IGDCC4: variants seen among roughly 807,000 people sequenced by gnomAD.
IGDCC4 encodes the protein immunoglobulin superfamily DCC subclass member 4.
In IGDCC4, 72 loss-of-function variants were observed where a neutral mutation model predicts 116.6. The ratio of observed to expected loss-of-function variants is 0.62; its 90% confidence interval spans 0.51 to 0.75. The LOEUF (loss-of-function observed/expected upper bound fraction) is 0.75. Ranked by LOEUF, IGDCC4 falls within the 30% of genes least tolerant of loss-of-function variation. The pLI, the probability that IGDCC4 is intolerant of heterozygous loss-of-function variation, is 0.00. For missense variants in IGDCC4, 1,501 were observed against 1,662.4 expected (o/e 0.90, Z 1.69); for synonymous variants, 709 against 719.9 (o/e 0.98, Z 0.24).
Position 65,402,537 on chromosome 15 carries a change from G to GT in IGDCC4, c.564-51_564-50insA, listed in dbSNP as rs11385366. Reference sequence around the variant, plus strand: ...TGTGAGGTGGGCAGGGGGGCCACAGGGAGGGTGGCTCATGGTAAGATAAAT... The same window carrying GT: ...TGTGAGGTGGGCAGGGGGGCCACAGGTGAGGGTGGCTCATGGTAAGATAAAT... On this transcript the variant is annotated intron_variant, in intron 3 of 19. Coordinates refer to ENST00000352385, the MANE Select transcript of IGDCC4 (RefSeq NM_020962.3). 8.8e-3 allele frequency: 13,577 copies of GT among 1,548,396 alleles called. 872 individuals carry two copies. The African/African-American group carries it at 0.15, about 17-fold the overall frequency.
At chr15:65,395,656 C>A (rs1283421569) in intron 7 of IGDCC4, 94 bp downstream of exon 7, 9 of 1,293,084 alleles carry the variant, frequency 7.0e-6, no homozygotes, top group Non-Finnish European at 9.1e-6. Context: ...GCAGAGGTAC[C>A]CATCAGGCAA....
intron 1 of IGDCC4, among the ~76,000 whole-genome samples, chr15:65,422,360 A>C (rs2140249506): frequency 6.6e-6 from 1 of 151,934 alleles, no homozygotes; most frequent in Non-Finnish European, 1.5e-5. Flanking sequence ...GTGCAGACAC[A>C]ACCCCAGTTC....
Position 65,405,184 on chromosome 15 carries a change from T to C in IGDCC4, c.564-2697A>G, listed in dbSNP as rs1269150081. 3.4e-5 allele frequency among the ~76,000 whole-genome samples: 5 copies of C among 148,908 alleles called. No individual in the cohort carries two copies. In the Admixed American group the frequency reaches 3.4e-4, roughly 10 times the overall value. On this transcript the variant is annotated intron_variant, in intron 3 of 19. Transcript: ENST00000352385. ...ATGAAGAAATTCTACTTTTAGAAAA[T>C]AGAGAAAAGTTATATTAGGATATAC...
At chr15:65,418,798 A>C (rs1399467781) in intron 1 of IGDCC4, among the ~76,000 whole-genome samples, 2 of 152,070 alleles carry the variant, frequency 1.3e-5, no homozygotes, top group Non-Finnish European at 2.9e-5. Flanking sequence ...TGGTTGCTGT[A>C]CCATGGGAGA....
chr15:65,391,835 G>A (rs754140508), intron 12 of IGDCC4, 45 bp downstream of exon 12: 1 of 1,543,012 alleles, frequency 6.5e-7, no homozygotes, highest in East Asian at 2.2e-5. Flanking sequence ...GGCTAGCAGA[G>A]CCCTCACCTG....
At chr15:65,385,453 C>A in intron 18 of IGDCC4, 1 of 521,596 alleles carries the variant, frequency 1.9e-6, no homozygotes, top group Non-Finnish European at 3.4e-6. Context: ...CCAGCGAAGG[C>A]CTCACCTTAT....
At position 65,392,251 on chromosome 15, in the gene IGDCC4, C is replaced by A. The variant is rs1350296740; in HGVS notation, c.2005G>T (p.Gly669Trp). The change falls in exon 11 of 20, where the codon GGG (glycine) becomes TGG (tryptophan). Residue 669 changes from glycine (G) to tryptophan (W), a missense_variant. Physicochemically the swap from Gly to Trp is radical, Grantham distance 184 (BLOSUM62 -2). This residue lies in a region of IGDCC4 where 898 missense variants were observed against 978.9 expected (regional missense o/e 0.92). Transcript: ENST00000352385. ...SGYKLYWREV[G>W]AEEEANGDRL... is the part of the protein sequence containing the mutation. The stretch of plus-strand genomic sequence containing the variant: ...TCGCCATTGGCCTCCTCCTCAGCCC[C>A]CACCTCCCGCCAATATAGTTTGTAG... 6.2e-7 allele frequency: 1 copy of A among 1,610,994 alleles called. No individual in the cohort carries two copies. Among genetic ancestry groups the A allele is most frequent in the South Asian group, 1.1e-5 (1 of 90,714 alleles).
intron 13 of IGDCC4, among the ~76,000 whole-genome samples, chr15:65,389,691 A>G (rs979989692): frequency 6.6e-6 from 1 of 152,186 alleles, no homozygotes; most frequent in Non-Finnish European, 1.5e-5. Flanking sequence ...TCTCCGATGC[A>G]TCTTTTCTTT....
Position 65,386,765 on chromosome 15 carries a change from C to G in IGDCC4, c.2846-109G>C, listed in dbSNP as rs981890447. On this transcript the variant is annotated intron_variant, in intron 16 of 19. Coordinates refer to ENST00000352385, the MANE Select transcript of IGDCC4 (RefSeq NM_020962.3). The stretch of plus-strand genomic sequence containing the variant: ...AGGAGACACCAGCTGGACCCTCACC[C>G]TTCAGATGCTCACAATCTTCTGATA... 45 of 747,182 alleles carry G rather than the reference C, an allele frequency of 6.0e-5. No individual in the cohort carries two copies. The East Asian group carries it at 1.2e-3, about 20-fold the overall frequency. 46.3% of individuals were successfully genotyped at this position (747,182 alleles called of 1,614,324 possible).
Position 65,400,812 on chromosome 15 carries a change from G to C in IGDCC4, c.835C>G (p.Arg279Gly). The change falls in exon 5 of 20, where the codon CGA becomes GGA. Residue 279 changes from arginine to glycine, a missense_variant. By Grantham distance (125) the Arg-to-Gly change is moderately radical. Coordinates refer to ENST00000352385, the MANE Select transcript of IGDCC4 (RefSeq NM_020962.3). ...ADPTPFVSWV[R>G]QDGKPISTDV... Reference sequence around the variant, plus strand: ...TCCCACCCCCTCCACTCACCTTGTCGGACCCAGGACACAAAAGGGGTGGGG... The same window carrying C: ...TCCCACCCCCTCCACTCACCTTGTCCGACCCAGGACACAAAAGGGGTGGGG... 1.3e-6 allele frequency: 2 copies of C among 1,599,512 alleles called. No homozygotes were observed. Among genetic ancestry groups the C allele is most frequent in the South Asian group, 2.2e-5 (2 of 89,350 alleles).
intron 5 of IGDCC4, among the ~76,000 whole-genome samples, chr15:65,397,345 T>C (rs2062937804): frequency 6.6e-6 from 1 of 152,208 alleles, no homozygotes; most frequent in Admixed American, 6.5e-5. Flanking sequence ...AGTACTATGA[T>C]GAAGCTAGGG....
chr15:65,417,256 C>A (rs1336304738), intron 1 of IGDCC4, among the ~76,000 whole-genome samples: 3 of 152,154 alleles, frequency 2.0e-5, no homozygotes, highest in Non-Finnish European at 4.4e-5. Context: ...GAGCCCCTCC[C>A]CCCAACAGCT....
At chr15:65,396,736 G>T (rs1026468454) in intron 6 of IGDCC4, 98 bp downstream of exon 6, 6 of 1,438,330 alleles carry the variant, frequency 4.2e-6, no homozygotes, top group South Asian at 1.3e-5. Context: ...CCAGGAGAGC[G>T]CCTGAGTGCC....
At position 65,396,818 on chromosome 15, in the gene IGDCC4, C is replaced by T. The variant is rs771214694; in HGVS notation, c.997+16G>A. 14 of 1,556,532 alleles carry T rather than the reference C, an allele frequency of 9.0e-6. No individual in the cohort carries two copies. Among genetic ancestry groups the T allele is most frequent in the East Asian group, 4.8e-5 (2 of 41,450 alleles). On this transcript the variant is annotated intron_variant, in intron 6 of 19. Coordinates refer to ENST00000352385, the MANE Select transcript of IGDCC4 (RefSeq NM_020962.3). ...CCCCAGCTAACCCGCTCCCTCCGCCCTTCGGCCCGCCTCACCCAGCACACG... is the reference window on the plus strand; with the variant it reads ...CCCCAGCTAACCCGCTCCCTCCGCCTTTCGGCCCGCCTCACCCAGCACACG...
At position 65,388,893 on chromosome 15, in the gene IGDCC4, G is replaced by C; in HGVS notation, c.2622C>G (p.Pro874=). 1.2e-6 allele frequency: 2 copies of C among 1,613,958 alleles called. No individual in the cohort carries two copies. Among genetic ancestry groups the C allele is most frequent in the Non-Finnish European group, 1.7e-6 (2 of 1,180,000 alleles). ...TCAGATACTCCACGATCTCCCCGTT[G>C]GGCTCTGTGGGGGGGCACCAGTGCA... is the stretch of plus-strand genomic sequence containing the variant. ...VRLHWCPPTE[P]NGEIVEYLIL... is the part of the protein sequence containing the mutation. Residue 874 remains proline (P), a synonymous_variant, in exon 15 of 20, where the codon CCC becomes CCG. Coordinates refer to ENST00000352385, the MANE Select transcript of IGDCC4 (RefSeq NM_020962.3).
chr15:65,400,360 T>C (rs2062972049), intron 5 of IGDCC4, among the ~76,000 whole-genome samples: 1 of 152,158 alleles, frequency 6.6e-6, no homozygotes, highest in Non-Finnish European at 1.5e-5. Flanking sequence ...AAGACAGCAG[T>C]ATGCTGGGGT....
chr15:65,409,577 C>T (rs1473970292), intron 3 of IGDCC4, among the ~76,000 whole-genome samples: 1 of 152,230 alleles, frequency 6.6e-6, no homozygotes. Flanking sequence ...GGGACCAAGT[C>T]CAAGGTCTAG....
At position 65,384,289 on chromosome 15, in the gene IGDCC4, G is replaced by C. The variant is rs757091594; in HGVS notation, c.3473C>G (p.Pro1158Arg). 6.2e-6 allele frequency: 10 copies of C among 1,607,812 alleles called. No individual in the cohort carries two copies. The highest frequency in any genetic ancestry group is 7.6e-6 in the Non-Finnish European group (9 of 1,176,762). Reference protein sequence around the residue: ...LHLQDLEPEDPLPPEAPDLIS... With the variant: ...LHLQDLEPEDRLPPEAPDLIS... Reference sequence around the variant, plus strand: ...GAGATCAGGAGCCTCTGGAGGCAGGGGGTCCTCAGGCTCCAGGTCTTGGAG... The same window carrying C: ...GAGATCAGGAGCCTCTGGAGGCAGGCGGTCCTCAGGCTCCAGGTCTTGGAG... Residue 1158 changes from proline (P) to arginine (R), a missense_variant, in exon 20 of 20, where the codon CCC (proline) becomes CGC (arginine). Physicochemically the swap from Pro to Arg is moderately radical, Grantham distance 103. Coordinates refer to ENST00000352385, the MANE Select transcript of IGDCC4 (RefSeq NM_020962.3). This position sits in a 1 kb window ranked among gnomAD's most constrained non-coding sequence, Gnocchi z 4.9.
In IGDCC4 at chr15:65,416,433, G is replaced by A. The variant is rs562580083; in HGVS notation, c.71-5063C>T. Among the ~76,000 whole-genome samples the A allele has an allele frequency of 1.2e-3, 181 of 152,180 alleles. 1 individual carries two copies. Among genetic ancestry groups the A allele is most frequent in the African/African-American group, 4.0e-3 (166 of 41,536 alleles). On this transcript the variant is annotated intron_variant, in intron 1 of 19. Transcript: ENST00000352385. Reference sequence around the variant, plus strand: ...ATTACAGGCATGAGCCACCGCGCCCGGCCAAACCTCTAGCACATTTTGCAT... The same window carrying A: ...ATTACAGGCATGAGCCACCGCGCCCAGCCAAACCTCTAGCACATTTTGCAT...
Sources: allele counts gnomAD v4.1 joint callset (sites outside exome capture counted in the v4.1 genomes callset), GRCh38; gene constraint gnomAD v4.1.1; regional missense constraint gnomAD v4.1.1; non-coding constraint Gnocchi (gnomAD v3.1); transcripts MANE v1.5; gene names NCBI Gene and HGNC (gene_info 2026-07-23, HGNC 2026-07-21).